The following EDNRA variants were observed in gnomAD, a reference collection of about 807,000 sequenced individuals.
EDNRA encodes endothelin-1 receptor.
Under a neutral mutation model 41.4 loss-of-function variants are expected in EDNRA, and 11 were observed. That is an observed-to-expected ratio of 0.27 (90% CI 0.17 to 0.44). The LOEUF (loss-of-function observed/expected upper bound fraction) is 0.44. Among genes scored for constraint, EDNRA ranks in the 20% least tolerant of loss-of-function variants. The pLI, the probability that EDNRA is intolerant of heterozygous loss-of-function variation, is 1.00. For synonymous variants in EDNRA, 172 were observed against 183.0 expected, an observed-to-expected ratio of 0.94 and a Z score of 0.49; for missense variants, 294 against 531.0, an observed-to-expected ratio of 0.55 and a Z score of 4.39.
intron 2 of EDNRA, among the ~76,000 whole-genome samples, chr4:147,497,911 T>C (rs947488473): frequency 6.6e-6 from 1 of 152,194 alleles, no homozygotes; most frequent in Non-Finnish European, 1.5e-5. Flanking sequence ...AAAGATACTA[T>C]TTTTAATGTG....
Position 147,531,472 on chromosome 4 carries a change from G to T in EDNRA, c.549-1034G>T, listed in dbSNP as rs145192298. ...CAAGGATATCTAGACCCACTTCATA[G>T]ATAATGCTTTAAGGTTTCTTTTTTT... On this transcript the variant is annotated intron_variant, in intron 3 of 7. Coordinates refer to ENST00000651419, the MANE Select transcript of EDNRA (RefSeq NM_001957.4). 8.0e-3 allele frequency among the ~76,000 whole-genome samples: 1,215 copies of T among 152,292 alleles called. 16 individuals are homozygous for T. Among genetic ancestry groups the T allele is most frequent in the African/African-American group, 0.028 (1,166 of 41,550 alleles).
intron 4 of EDNRA, among the ~76,000 whole-genome samples, chr4:147,534,122 G>C (rs964922610): frequency 6.6e-6 from 1 of 152,098 alleles, no homozygotes; most frequent in Admixed American, 6.5e-5. Flanking sequence ...TGCCATGGAG[G>C]GGGCAGGGGA....
chr4:147,539,116 G>C (rs1205360860), intron 5 of EDNRA, among the ~76,000 whole-genome samples: 1 of 151,840 alleles, frequency 6.6e-6, no homozygotes, highest in Admixed American at 6.6e-5. Flanking sequence ...AGTCATCACT[G>C]CTGATAATCC....
At chr4:147,487,423 A>G (rs186269533) in intron 2 of EDNRA, among the ~76,000 whole-genome samples, 2 of 152,338 alleles carry the variant, frequency 1.3e-5, no homozygotes, top group Admixed American at 1.3e-4. Context: ...GATTTTATGA[A>G]ATGTGTTTAT....
intron 2 of EDNRA, chr4:147,493,791 A>T (rs1206890988): frequency 2.2e-4 from 34 of 152,184 alleles, no homozygotes; most frequent in Admixed American, 2.2e-3. Context: ...CATGCTCTGA[A>T]GCATCTATTT....
intron 5 of EDNRA, among the ~76,000 whole-genome samples, chr4:147,539,540 C>T (rs2126486591): frequency 6.6e-6 from 1 of 152,206 alleles, no homozygotes. Context: ...CAGTTTCCAC[C>T]TCTCTCCTGG....
chr4:147,515,659 A>C (rs1409735285), intron 2 of EDNRA, among the ~76,000 whole-genome samples: 4 of 152,128 alleles, frequency 2.6e-5, no homozygotes, highest in African/African-American at 9.7e-5. Context: ...TTAGGGCATA[A>C]ATTTCACAAC....
At chr4:147,530,264 G>A (rs1386276768) in intron 3 of EDNRA, among the ~76,000 whole-genome samples, 3 of 152,184 alleles carry the variant, frequency 2.0e-5, no homozygotes, top group Non-Finnish European at 4.4e-5. Flanking sequence ...CAACCTGAGA[G>A]AAGGGAAGAA....
intron 2 of EDNRA, among the ~76,000 whole-genome samples, chr4:147,515,626 C>T (rs1423462866): frequency 6.6e-6 from 1 of 152,176 alleles, no homozygotes; most frequent in African/African-American, 2.4e-5. Context: ...AGGCAGTTTG[C>T]TGAGGACTAA....
intron 1 of EDNRA, among the ~76,000 whole-genome samples, chr4:147,483,105 G>A (rs899197753): frequency 1.3e-5 from 2 of 152,160 alleles, no homozygotes; most frequent in Non-Finnish European, 2.9e-5. Context: ...TGGAGTCCTG[G>A]TGTTCCCTTT....
In EDNRA at chr4:147,524,354, A is replaced by G. The variant is rs138946345; in HGVS notation, c.548+4376A>G. Among the ~76,000 whole-genome samples, 58 of 152,060 alleles carry G rather than the reference A, an allele frequency of 3.8e-4. 1 individual carries two copies. The highest frequency in any genetic ancestry group is 1.3e-3 in the African/African-American group (53 of 41,466). ...TGGGAAAGTTAGGTCATAGATTCCT[A>G]TATCTAGTGTCGGGTCACCTCACCC... On this transcript the variant is annotated intron_variant, in intron 3 of 7. Coordinates refer to ENST00000651419, the MANE Select transcript of EDNRA (RefSeq NM_001957.4).
Position 147,506,077 on chromosome 4 carries a change from C to T in EDNRA, c.421-13774C>T, listed in dbSNP as rs78273510. 25 of 509,428 alleles carry T rather than the reference C, an allele frequency of 4.9e-5. No homozygotes were observed. In the East Asian group the frequency reaches 1.2e-3, roughly 25 times the overall value. 31.6% of individuals were successfully genotyped at this position (509,428 alleles called of 1,614,324 possible). A position where few individuals can be genotyped will look rare whatever the true frequency, so the allele number is the denominator to read the frequency against. On this transcript the variant is annotated intron_variant, in intron 2 of 7. Transcript: ENST00000651419. ...GTACATTGCTCTTTCCCTGGGTTCC[C>T]AGTATCCTGGCAGGTTCCTGAATAT...
At chr4:147,538,060 AC>A (rs1553981892) in intron 5 of EDNRA, among the ~76,000 whole-genome samples, 1 of 152,128 alleles carries the variant, frequency 6.6e-6, no homozygotes, top group Non-Finnish European at 1.5e-5. Flanking sequence ...GGAACACAAA[AC>A]CCAAAATAAC....
chr4:147,483,040 C>G lies in EDNRA; in HGVS notation c.-71+1664C>G, dbSNP rs1728825945. 2.0e-5 allele frequency among the ~76,000 whole-genome samples: 3 copies of G among 152,306 alleles called. No individual in the cohort carries two copies. In the South Asian group the frequency reaches 6.2e-4, roughly 32 times the overall value. Reference sequence around the variant, plus strand: ...AACAGCACAAGATATGAAAGTATTTCTTCTCCCCCCTGTATCTGTGATCCA... The same window carrying G: ...AACAGCACAAGATATGAAAGTATTTGTTCTCCCCCCTGTATCTGTGATCCA... On this transcript the variant is annotated intron_variant, in intron 1 of 7. Coordinates refer to ENST00000651419, the MANE Select transcript of EDNRA (RefSeq NM_001957.4).
intron 2 of EDNRA, chr4:147,493,116 T>C (rs755525284): frequency 2.0e-5 from 3 of 152,108 alleles, no homozygotes; most frequent in Non-Finnish European, 4.4e-5. Context: ...GAGATGTAAA[T>C]AGATTCATGG....
At chr4:147,499,552 T>C (rs1309133579) in intron 2 of EDNRA, among the ~76,000 whole-genome samples, 1 of 152,234 alleles carries the variant, frequency 6.6e-6, no homozygotes, top group African/African-American at 2.4e-5. Flanking sequence ...TGAGAGGTCT[T>C]GGCAACCACA....
In EDNRA at chr4:147,519,893, G is replaced by A. The variant is rs200206289; in HGVS notation, c.463G>A (p.Val155Ile). ...RWPFDHNDFG[V>I]FLCKLFPFLQ... The stretch of plus-strand genomic sequence containing the variant: ...GCCTTTTGATCACAATGACTTTGGC[G>A]TATTTCTTTGCAAGCTGTTCCCCTT... The change falls in exon 3 of 8, where the codon GTA becomes ATA. Residue 155 changes from valine to isoleucine, a missense_variant. Coordinates refer to ENST00000651419, the MANE Select transcript of EDNRA (RefSeq NM_001957.4). The surrounding 1 kb of genome is among the most constrained non-coding windows in gnomAD (Gnocchi z 4.1). 132 of 1,613,330 alleles carry A rather than the reference G, an allele frequency of 8.2e-5. No homozygotes were observed. The highest frequency in any genetic ancestry group is 9.4e-5 in the Non-Finnish European group (111 of 1,179,654).
chr4:147,496,054 T>C (rs1462573495), intron 2 of EDNRA: 3 of 152,214 alleles, frequency 2.0e-5, no homozygotes, highest in African/African-American at 7.2e-5. Flanking sequence ...GAAACATTAT[T>C]GAACATTTTT....
chr4:147,509,307 C>T lies in EDNRA; in HGVS notation c.421-10544C>T, dbSNP rs530778457. ...TTTGGTGCCACGGTCGTGATTCATG[C>T]GAAAGCACCAGCAGTTTACCTACCA... On this transcript the variant is annotated intron_variant, in intron 2 of 7. Coordinates refer to ENST00000651419, the MANE Select transcript of EDNRA (RefSeq NM_001957.4). Among the ~76,000 whole-genome samples, 19 of 152,256 alleles carry T rather than the reference C, an allele frequency of 1.2e-4. No homozygotes were observed. In the East Asian group the frequency reaches 3.3e-3, roughly 26 times the overall value.
Sources: allele counts gnomAD v4.1 joint callset (sites outside exome capture counted in the v4.1 genomes callset), GRCh38; gene constraint gnomAD v4.1.1; non-coding constraint Gnocchi (gnomAD v3.1); transcripts MANE v1.5; gene names NCBI Gene and HGNC (gene_info 2026-07-23, HGNC 2026-07-21).